Variants in ECSCR observed in about 807,000 individuals in gnomAD.
The protein encoded by ECSCR is endothelial cell-specific chemotaxis regulator.
In ECSCR, 12 loss-of-function variants were observed where a neutral mutation model predicts 16.7. The ratio of observed to expected loss-of-function variants is 0.72; its 90% CI spans 0.46 to 1.17. ECSCR has a LOEUF of 1.17. ECSCR is among the 50% of genes most tolerant of loss of function. ECSCR has a pLI of 0.00. For missense variants in ECSCR, 122 were observed against 116.1 expected (o/e 1.05, Z -0.23); for synonymous variants, 44 against 42.2 (o/e 1.04, Z -0.17).
chr5:139,457,695 A>G (rs1751189218), intron 3 of ECSCR, 62 bp downstream of exon 3: 1 of 1,593,448 alleles, frequency 6.3e-7, no homozygotes, highest in South Asian at 1.1e-5. Flanking sequence ...CTGGGCTCCA[A>G]GCAGGTCTGA....
chr5:139,451,504 G>A (rs1751047194), intron 8 of ECSCR, among the ~76,000 whole-genome samples: 1 of 147,366 alleles, frequency 6.8e-6, no homozygotes, highest in Non-Finnish European at 1.5e-5. Flanking sequence ...GTGGGTGTGT[G>A]GTGTGAGTGT....
At chr5:139,451,933 T>C (rs982717317) in intron 8 of ECSCR, among the ~76,000 whole-genome samples, 1 of 145,380 alleles carries the variant, frequency 6.9e-6, no homozygotes, top group African/African-American at 2.6e-5. Context: ...GGGCATGTTG[T>C]GTGTTTATGA....
At chr5:139,459,080 A>G (rs1751234309) in intron 1 of ECSCR, among the ~76,000 whole-genome samples, 1 of 152,174 alleles carries the variant, frequency 6.6e-6, no homozygotes, top group African/African-American at 2.4e-5. Flanking sequence ...AACCTGATGC[A>G]GAGTCAGGAG....
chr5:139,462,473 T>G, intron 1 of ECSCR, 137 bp downstream of exon 1: 2 of 874,148 alleles, frequency 2.3e-6, no homozygotes, highest in Non-Finnish European at 3.6e-6. Flanking sequence ...CCAACTGATC[T>G]TCATGGAAAG....
intron 1 of ECSCR, among the ~76,000 whole-genome samples, chr5:139,460,053 C>T (rs1038874320): frequency 6.6e-6 from 1 of 152,120 alleles, no homozygotes; most frequent in Admixed American, 6.5e-5. Flanking sequence ...TGGGGAGGAC[C>T]CTTGGAGAAT....
intron 1 of ECSCR, among the ~76,000 whole-genome samples, chr5:139,458,638 G>A (rs1338701252): frequency 4.0e-5 from 6 of 151,416 alleles, no homozygotes; most frequent in Admixed American, 3.3e-4. Context: ...CTTGAGGTCA[G>A]GAGTTCAAGA....
At position 139,462,727 on chromosome 5, in the gene ECSCR, G is replaced by T; in HGVS notation, c.-57C>A. On this transcript the variant is annotated 5_prime_UTR_variant, in exon 1 of 10. Transcript: ENST00000618155. ...CTCAGTGGAGGCTCTGTCCATAGTG[G>T]AGAAGAGAGAGGGAGTGCTGGGGCG... 1.1e-6 allele frequency: 1 copy of T among 906,484 alleles called. No individual in the cohort carries two copies. The highest frequency in any genetic ancestry group is 1.6e-6 in the Non-Finnish European group (1 of 626,116). The allele number at this position is 906,484 out of a possible 1,614,324, so 56.2% of individuals were successfully genotyped here.
chr5:139,448,677 G>T lies in ECSCR; in HGVS notation c.*223C>A. The stretch of plus-strand genomic sequence containing the variant: ...TGGCTCTGAGGAGGTGGGAGAAGCA[G>T]GCAGTATTTCCACAGCAGCTGTCCA... On this transcript the variant is annotated 3_prime_UTR_variant, in exon 10 of 10. Coordinates refer to ENST00000618155, the MANE Select transcript of ECSCR (RefSeq NM_001077693.4). 1 of 1,350,530 alleles carries T rather than the reference G, an allele frequency of 7.4e-7. No homozygotes were observed. The highest frequency in any genetic ancestry group is 9.6e-7 in the Non-Finnish European group (1 of 1,040,430). 83.7% of individuals were successfully genotyped at this position (1,350,530 alleles called of 1,614,324 possible).
chr5:139,462,644 C>T lies in ECSCR; in HGVS notation c.27G>A (p.Leu9=), dbSNP rs2152090716. 6.3e-6 allele frequency: 10 copies of T among 1,595,866 alleles called. No individual in the cohort carries two copies. The highest frequency in any genetic ancestry group is 8.5e-6 in the Non-Finnish European group (10 of 1,171,698). Reference sequence around the variant, plus strand: ...GGAGGAAGCCCAGGATCACCCAGCACAGCTGCATGGCTCCTGCGGTGCCCA... The same window carrying T: ...GGAGGAAGCCCAGGATCACCCAGCATAGCTGCATGGCTCCTGCGGTGCCCA... MGTAGAMQ[L]CWVILGFLLF... is the part of the protein sequence containing the mutation. Residue 9 remains leucine, a synonymous_variant, in exon 1 of 10, where the codon CTG becomes CTA. Coordinates refer to ENST00000618155, the MANE Select transcript of ECSCR (RefSeq NM_001077693.4).
chr5:139,449,143 T>C lies in ECSCR; in HGVS notation c.544A>G (p.Ile182Val). 6.5e-7 allele frequency: 1 copy of C among 1,537,204 alleles called. No homozygotes were observed. The highest frequency in any genetic ancestry group is 1.4e-5 in the African/African-American group (1 of 73,146). ...CSTANGEKDS[I>V]TLISMKNINM... ...ATGTTCTTCATGGAGATAAGGGTGA[T>C]GCTGTCTTTCTCTCCATTGGCTGTG... The change falls in exon 9 of 10, where the codon ATC (isoleucine) becomes GTC (valine). Residue 182 changes from isoleucine (I) to valine (V), a missense_variant. Transcript: ENST00000618155.
In ECSCR at chr5:139,462,609, C is replaced by T. The variant is rs762865172; in HGVS notation, c.61+1G>A. On this transcript the variant is annotated splice_donor_variant, in intron 1 of 9. Coordinates refer to ENST00000618155, the MANE Select transcript of ECSCR (RefSeq NM_001077693.4). LOFTEE classifies it high-confidence loss of function. ...ATGGGAAAGCGGCAGGCACCTCTTA[C>T]CTCGGAACAGGAGGAAGCCCAGGAT... 3.3e-5 allele frequency: 53 copies of T among 1,595,618 alleles called. No individual in the cohort carries two copies. The highest frequency in any genetic ancestry group is 3.3e-5 in the Non-Finnish European group (39 of 1,171,618).
intron 4 of ECSCR, 33 bp from the exon 5 acceptor site, chr5:139,456,551 G>T: frequency 5.0e-6 from 2 of 398,630 alleles, no homozygotes; most frequent in Non-Finnish European, 8.8e-6. Context: ...CAAGATGGGG[G>T]CATCCCCCAG....
chr5:139,449,545 G>T (rs1481562075), intron 8 of ECSCR, among the ~76,000 whole-genome samples: 1 of 151,918 alleles, frequency 6.6e-6, no homozygotes, highest in African/African-American at 2.4e-5. Context: ...TACCATGTTG[G>T]CCAGGCTGGT....
intron 2 of ECSCR, 37 bp downstream of exon 2, chr5:139,458,102 C>T (rs1033621975): frequency 1.3e-6 from 2 of 1,541,448 alleles, no homozygotes; most frequent in Non-Finnish European, 1.8e-6. Flanking sequence ...AGCTCCTAGG[C>T]CTACACGCTG....
chr5:139,458,429 G>T lies in ECSCR; in HGVS notation c.62-246C>A, dbSNP rs1211598276. On this transcript the variant is annotated intron_variant, in intron 1 of 9. Coordinates refer to ENST00000618155, the MANE Select transcript of ECSCR (RefSeq NM_001077693.4). ...GGATTGCTTGAGACCAGAAGGTTGA[G>T]GCTGGCTGCAGTGAGCTATGATTGC... 4.3e-5 allele frequency among the ~76,000 whole-genome samples: 6 copies of T among 137,974 alleles called. No homozygotes were observed. In the East Asian group the frequency reaches 1.2e-3, roughly 28 times the overall value. 90.5% of individuals were successfully genotyped at this position (137,974 alleles called of 152,430 possible). A position where few individuals can be genotyped will look rare whatever the true frequency, so the allele number is the denominator to read the frequency against.
chr5:139,453,689 G>A (rs1751090843), intron 8 of ECSCR, among the ~76,000 whole-genome samples: 2 of 121,648 alleles, frequency 1.6e-5, no homozygotes, highest in African/African-American at 6.4e-5. Flanking sequence ...TATGGGTTGT[G>A]TGTATGGTGT....
rs768923342 is a variant in ECSCR at position 139,449,145 on chromosome 5, C to T, written c.542G>A (p.Ser181Asn). ...GTTCTTCATGGAGATAAGGGTGATG[C>T]TGTCTTTCTCTCCATTGGCTGTGGA... ...SCSTANGEKD[S>N]ITLISMKNIN... The change falls in exon 9 of 10, where the codon AGC (serine) becomes AAC (asparagine). Residue 181 changes from serine (S) to asparagine (N), a missense_variant. Transcript: ENST00000618155. 1.3e-6 allele frequency: 2 copies of T among 1,537,136 alleles called. No homozygotes were observed. Among genetic ancestry groups the T allele is most frequent in the East Asian group, 2.4e-5 (1 of 40,914 alleles).
intron 4 of ECSCR, among the ~76,000 whole-genome samples, chr5:139,457,318 T>A (rs1171296264): frequency 1.3e-5 from 2 of 152,010 alleles, no homozygotes; most frequent in Non-Finnish European, 2.9e-5. Context: ...CTTCTGGGAG[T>A]CATCCCTGGC....
At chr5:139,459,014 G>A (rs1412489580) in intron 1 of ECSCR, among the ~76,000 whole-genome samples, 1 of 152,064 alleles carries the variant, frequency 6.6e-6, no homozygotes, top group East Asian at 1.9e-4. Context: ...ACCACCTCAT[G>A]GCTCAGAGTC....
Sources: allele counts gnomAD v4.1 joint callset (sites outside exome capture counted in the v4.1 genomes callset), GRCh38; gene constraint gnomAD v4.1.1; transcripts MANE v1.5; gene names NCBI Gene and HGNC (gene_info 2026-07-23, HGNC 2026-07-21).